EYS: variants seen among roughly 807,000 people sequenced by gnomAD.
EYS encodes EGF-like photoreceptor maintenance factor, also known as protein eyes shut homolog.
In EYS, 250 loss-of-function variants were observed where a neutral mutation model predicts 282.1. The observed-to-expected ratio is 0.89, with a 90% CI of 0.80 to 0.98. EYS has a LOEUF of 0.98. Among genes scored for constraint, EYS ranks in the 50% least tolerant of loss-of-function variants. EYS has a pLI of 0.00. For synonymous variants in EYS, 1,355 were observed against 1,282.9 expected, an observed-to-expected ratio of 1.06 and a Z score of -1.20; for missense variants, 4,016 against 3,709.0, an observed-to-expected ratio of 1.08 and a Z score of -2.15.
chr6:63,859,214 G>A (rs544343907), intron 36 of EYS, among the ~76,000 whole-genome samples: 1 of 147,874 alleles, frequency 6.8e-6, no homozygotes, highest in Non-Finnish European at 1.5e-5. Flanking sequence ...AAAAACAAAA[G>A]CATTTTCTAT....
At chr6:64,178,060 GT>G (rs1385097202) in intron 31 of EYS, among the ~76,000 whole-genome samples, 3 of 151,930 alleles carry the variant, frequency 2.0e-5, no homozygotes, top group Non-Finnish European at 4.4e-5. Flanking sequence ...CCCTAGGTTT[GT>G]TTTTTTCTTC....
intron 29 of EYS, among the ~76,000 whole-genome samples, chr6:64,330,747 G>C (rs1288769479): frequency 6.6e-6 from 1 of 152,190 alleles, no homozygotes; most frequent in East Asian, 1.9e-4. Context: ...CACCCTGTTG[G>C]AGCAGAGGGG....
intron 22 of EYS, chr6:64,713,141 G>T (rs9345410): frequency 6.6e-6 from 1 of 152,124 alleles, no homozygotes; most frequent in South Asian, 2.1e-4. Context: ...GTCCTAAAAT[G>T]CCAGTGTTAT....
chr6:65,004,614 A>C (rs544000834), intron 13 of EYS, among the ~76,000 whole-genome samples: 1 of 147,878 alleles, frequency 6.8e-6, no homozygotes, highest in East Asian at 2.1e-4. Context: ...TTCTCACAAG[A>C]ATCACTAGCT....
chr6:65,601,749 T>C lies in EYS; in HGVS notation c.-333+38029A>G, dbSNP rs200950615. Reference sequence around the variant, plus strand: ...CAAGAAGTGAATTTGTGGGAAAATGTCAAGTGTGAGACATTTTTCTTTCTT... The same window carrying C: ...CAAGAAGTGAATTTGTGGGAAAATGCCAAGTGTGAGACATTTTTCTTTCTT... On this transcript the variant is annotated intron_variant, in intron 2 of 42. Coordinates refer to ENST00000503581, the MANE Select transcript of EYS (RefSeq NM_001142800.2). Among the ~76,000 whole-genome samples the C allele has an allele frequency of 2.0e-5, 3 of 152,066 alleles. No individual in the cohort carries two copies. In the East Asian group the frequency reaches 5.8e-4, roughly 29 times the overall value.
chr6:65,442,040 G>T (rs17690066), intron 5 of EYS, among the ~76,000 whole-genome samples: 1 of 151,610 alleles, frequency 6.6e-6, no homozygotes, highest in African/African-American at 2.4e-5. Flanking sequence ...CTGAAAGCCT[G>T]GTTTATTTAC....
At position 64,004,316 on chromosome 6, in the gene EYS, T is replaced by C. The variant is rs150744724; in HGVS notation, c.6726-5133A>G. Reference sequence around the variant, plus strand: ...CTTTTTTGTGTTTTATTTCTGCCTGTTATGCTTTTATAACTTTTCCCCATA... The same window carrying C: ...CTTTTTTGTGTTTTATTTCTGCCTGCTATGCTTTTATAACTTTTCCCCATA... On this transcript the variant is annotated intron_variant, in intron 33 of 42. Coordinates refer to ENST00000503581, the MANE Select transcript of EYS (RefSeq NM_001142800.2). 3.6e-3 allele frequency among the ~76,000 whole-genome samples: 552 copies of C among 152,238 alleles called. 3 individuals carry two copies. Among genetic ancestry groups the C allele is most frequent in the African/African-American group, 0.012 (517 of 41,566 alleles).
intron 35 of EYS, among the ~76,000 whole-genome samples, chr6:63,966,100 C>A (rs1766295274): frequency 6.6e-6 from 1 of 152,098 alleles, no homozygotes; most frequent in Non-Finnish European, 1.5e-5. Flanking sequence ...TTGCAAAGCA[C>A]TTAAAAACTG....
At chr6:64,988,979 G>A (rs1365126596) in intron 14 of EYS, among the ~76,000 whole-genome samples, 1 of 151,316 alleles carries the variant, frequency 6.6e-6, no homozygotes, top group East Asian at 2.0e-4. Flanking sequence ...AACACTAGGT[G>A]CACCATAGTT....
chr6:63,871,984 G>A (rs1253108738), intron 35 of EYS, among the ~76,000 whole-genome samples: 1 of 152,168 alleles, frequency 6.6e-6, no homozygotes, highest in Non-Finnish European at 1.5e-5. Context: ...CAACTTTCCA[G>A]CTTCTAGGTG....
chr6:65,439,551 A>T (rs1768223653), intron 5 of EYS, among the ~76,000 whole-genome samples: 2 of 152,076 alleles, frequency 1.3e-5, no homozygotes, highest in African/African-American at 4.8e-5. Context: ...GTTCTCCTTG[A>T]AGAGGTCCTC....
At chr6:64,332,459 C>T (rs1404376674) in intron 29 of EYS, among the ~76,000 whole-genome samples, 2 of 152,184 alleles carry the variant, frequency 1.3e-5, no homozygotes, top group African/African-American at 4.8e-5. Context: ...TGGAACCCAA[C>T]CACCTTAGGG....
intron 29 of EYS, among the ~76,000 whole-genome samples, chr6:64,377,140 TAATA>T (rs1490338736): frequency 6.6e-6 from 1 of 151,826 alleles, no homozygotes; most frequent in Non-Finnish European, 1.5e-5. Flanking sequence ...TTTGTTGGAT[TAATA>T]AATGAATGAA....
intron 35 of EYS, among the ~76,000 whole-genome samples, chr6:63,963,172 T>G (rs1766157129): frequency 6.6e-6 from 1 of 151,714 alleles, no homozygotes; most frequent in Admixed American, 6.6e-5. Context: ...TACCTAATGT[T>G]AAATGATGAG....
At chr6:64,617,308 C>A in intron 24 of EYS, 110 bp downstream of exon 24, 1 of 726,646 alleles carries the variant, frequency 1.4e-6, no homozygotes, top group East Asian at 2.7e-5. Context: ...GAGAGATGCG[C>A]TGAAGATTAA....
intron 22 of EYS, among the ~76,000 whole-genome samples, chr6:64,628,802 TA>T (rs1345855959): frequency 9.2e-5 from 14 of 152,216 alleles, no homozygotes; most frequent in African/African-American, 2.9e-4. Flanking sequence ...GGGGATAGTT[TA>T]AAAAATTTTT....
chr6:65,240,822 A>G (rs1767039588), intron 12 of EYS, among the ~76,000 whole-genome samples: 1 of 152,160 alleles, frequency 6.6e-6, no homozygotes, highest in African/African-American at 2.4e-5. Context: ...GGTGGTTTGA[A>G]TGGTATTTCT....
chr6:64,827,181 C>T (rs1765086552), intron 19 of EYS, among the ~76,000 whole-genome samples: 1 of 151,828 alleles, frequency 6.6e-6, no homozygotes, highest in Non-Finnish European at 1.5e-5. Context: ...TAAACATTCT[C>T]AATATTTTCT....
At chr6:63,905,520 T>C (rs1207936294) in intron 35 of EYS, among the ~76,000 whole-genome samples, 2 of 151,826 alleles carry the variant, frequency 1.3e-5, no homozygotes, top group African/African-American at 4.8e-5. Flanking sequence ...TTAGTAGAGA[T>C]GGGGTTTCAC....
Sources: gnomAD v4.1 joint callset for allele counts (sites outside exome capture counted in the v4.1 genomes callset) on GRCh38, gnomAD v4.1.1 for gene constraint, MANE v1.5 for transcripts, NCBI Gene and HGNC (gene_info 2026-07-23, HGNC 2026-07-21) for gene names.